Variants in PPP6R2 observed in about 807,000 individuals in gnomAD.
PPP6R2 encodes serine/threonine-protein phosphatase 6 regulatory subunit 2.
Under a neutral mutation model 100.2 loss-of-function variants are expected in PPP6R2, and 62 were observed. The ratio of observed to expected loss-of-function variants is 0.62; its 90% CI spans 0.50 to 0.76. The LOEUF (loss-of-function observed/expected upper bound fraction) is 0.76, where lower values mean the gene tolerates loss of function less well. Ranked by LOEUF, PPP6R2 falls within the 30% of genes least tolerant of loss-of-function variation. The pLI is 0.00. For missense variants in PPP6R2, 1,142 were observed against 1,276.3 expected (o/e 0.89, Z 1.60); for synonymous variants, 525 against 514.7 (o/e 1.02, Z -0.27).
chr22:50,419,357 G>A lies in PPP6R2; in HGVS notation c.740G>A (p.Cys247Tyr). ...CTGTGTGTGTCCAGCAGGCAGGACTGTGTGGAGCAGCTTCTGAAGAACATG... is the reference window on the plus strand; with the variant it reads ...CTGTGTGTGTCCAGCAGGCAGGACTATGTGGAGCAGCTTCTGAAGAACATG... ...PLLTALESQD[C>Y]VEQLLKNMFD... The change falls in exon 8 of 24, where the codon TGT (cysteine) becomes TAT (tyrosine). Residue 247 changes from cysteine to tyrosine, a missense_variant. Physicochemically the swap from Cys to Tyr is radical, Grantham distance 194. This residue lies in a region of PPP6R2 where 592 missense variants were observed against 758.9 expected (regional missense o/e 0.78). Coordinates refer to ENST00000612753, the MANE Select transcript of PPP6R2 (RefSeq NM_001242898.2). 1.2e-6 allele frequency: 2 copies of A among 1,614,122 alleles called. No homozygotes were observed. The highest frequency in any genetic ancestry group is 1.7e-6 in the Non-Finnish European group (2 of 1,179,966).
chr22:50,435,937 C>CCTGT (rs1299393621), intron 13 of PPP6R2, among the ~76,000 whole-genome samples: 1 of 152,192 alleles, frequency 6.6e-6, no homozygotes, highest in Non-Finnish European at 1.5e-5. Flanking sequence ...GAAAAACAGG[C>CCTGT]AGGACACGCG....
intron 2 of PPP6R2, among the ~76,000 whole-genome samples, chr22:50,388,388 T>C (rs1279175866): frequency 8.1e-6 from 1 of 123,680 alleles, no homozygotes; most frequent in Non-Finnish European, 1.6e-5. Context: ...AGCAAGACCC[T>C]ATCTCAAAAA....
At chr22:50,339,898 GGT>G (rs747265493), upstream of PPP6R2, among the ~76,000 whole-genome samples, 18 of 125,934 alleles carry the variant, frequency 1.4e-4, no homozygotes, top group East Asian at 2.7e-4. Context: ...TGGGGTGTGT[GGT>G]GTGTGTGGTA....
chr22:50,367,644 A>AC (rs1484112259), intron 1 of PPP6R2, among the ~76,000 whole-genome samples: 2 of 152,178 alleles, frequency 1.3e-5, no homozygotes, highest in African/African-American at 4.8e-5. Context: ...CTGTTACCAG[A>AC]CTGTCCCATT....
intron 4 of PPP6R2, among the ~76,000 whole-genome samples, chr22:50,408,800 A>T (rs1315787636): frequency 6.6e-6 from 1 of 152,226 alleles, no homozygotes; most frequent in Non-Finnish European, 1.5e-5. Context: ...CATTAAAGTA[A>T]TATGAACTGA....
chr22:50,362,679 C>T (rs143604367), intron 1 of PPP6R2, among the ~76,000 whole-genome samples: 49 of 152,190 alleles, frequency 3.2e-4, no homozygotes, highest in East Asian at 3.1e-3. Context: ...AATTAGGTTC[C>T]GTGAGGTCAC....
chr22:50,424,975 T>C (rs2061894768), intron 10 of PPP6R2, among the ~76,000 whole-genome samples: 1 of 152,216 alleles, frequency 6.6e-6, no homozygotes, highest in African/African-American at 2.4e-5. Context: ...GTCTTCCACT[T>C]TCTTCCTCTC....
chr22:50,424,075 C>T (rs2061675502), intron 10 of PPP6R2, among the ~76,000 whole-genome samples: 1 of 152,232 alleles, frequency 6.6e-6, no homozygotes, highest in South Asian at 2.1e-4. Flanking sequence ...GCATGATGCT[C>T]CAGGTGGCTG....
intron 6 of PPP6R2, among the ~76,000 whole-genome samples, 193 bp downstream of exon 6, chr22:50,416,350 T>C (rs2060535522): frequency 1.3e-5 from 2 of 151,572 alleles, no homozygotes; most frequent in Non-Finnish European, 2.9e-5. Flanking sequence ...TTTTTTGAGA[T>C]GGCGTTTCGC....
rs766124761 is a variant in PPP6R2 at position 50,418,996 on chromosome 22, C to T, written c.731+17C>T. ...GCTGGAGTCGTGAGTGCTGGTGGGC[C>T]GTGGTGCTGGTGGGCCTCCCTTTCT... On this transcript the variant is annotated intron_variant, in intron 7 of 23. Transcript: ENST00000612753. 1.8e-5 allele frequency: 29 copies of T among 1,594,138 alleles called. No individual in the cohort carries two copies. Among genetic ancestry groups the T allele is most frequent in the East Asian group, 2.2e-5 (1 of 44,808 alleles).
rs557817378 is a variant in PPP6R2, at chr22:50,394,750, C to G, written c.227+615C>G. On this transcript the variant is annotated intron_variant, in intron 3 of 23. Coordinates refer to ENST00000612753, the MANE Select transcript of PPP6R2 (RefSeq NM_001242898.2). ...TGAAACCCCGTCTCTACTAAAAATA[C>G]AAAAAATTAGCCGGGCATGGTGGCG... is the stretch of plus-strand genomic sequence containing the variant. Among the ~76,000 whole-genome samples, 7 of 150,998 alleles carry G rather than the reference C, an allele frequency of 4.6e-5. No homozygotes were observed. The South Asian group carries it at 1.5e-3, about 32-fold the overall frequency.
At chr22:50,378,032 C>G (rs1285547851) in intron 2 of PPP6R2, among the ~76,000 whole-genome samples, 1 of 152,034 alleles carries the variant, frequency 6.6e-6, no homozygotes, top group Non-Finnish European at 1.5e-5. Flanking sequence ...TTTGAGAAGA[C>G]AAATGAATGG....
At position 50,419,384 on chromosome 22, in the gene PPP6R2, T is replaced by C; in HGVS notation, c.767T>C (p.Phe256Ser). 6.2e-7 allele frequency: 1 copy of C among 1,614,166 alleles called. No homozygotes were observed. The highest frequency in any genetic ancestry group is 8.5e-7 in the Non-Finnish European group (1 of 1,180,040). The change falls in exon 8 of 24, where the codon TTT (phenylalanine) becomes TCT (serine). Residue 256 changes from phenylalanine to serine, a missense_variant. Phe to Ser is a radical substitution (Grantham distance 155, BLOSUM62 -2). Coordinates refer to ENST00000612753, the MANE Select transcript of PPP6R2 (RefSeq NM_001242898.2). The part of the protein sequence containing the change: ...DCVEQLLKNM[F>S]DGDRTESCLV... The stretch of plus-strand genomic sequence containing the variant: ...GTGGAGCAGCTTCTGAAGAACATGT[T>C]TGATGGAGACCGGACGGAGAGCTGC...
upstream of PPP6R2, among the ~76,000 whole-genome samples, chr22:50,340,517 T>A (rs371248635): frequency 8.5e-5 from 9 of 106,130 alleles, no homozygotes; most frequent in African/African-American, 4.7e-4. Flanking sequence ...GTGTGTGTGG[T>A]GTGTGTGGGG....
intron 2 of PPP6R2, among the ~76,000 whole-genome samples, chr22:50,373,657 A>T (rs67980306): frequency 0.3 from 45,884 of 151,670 alleles, 7,248 homozygotes; most frequent in South Asian, 0.43. Context: ...GCTGAAAGGA[A>T]CCTCTCACTT....
intron 6 of PPP6R2, among the ~76,000 whole-genome samples, chr22:50,417,798 G>C (rs983473291): frequency 6.6e-6 from 1 of 152,188 alleles, no homozygotes; most frequent in East Asian, 1.9e-4. Context: ...GCCTGGCCTG[G>C]GTCCCAAAGG....
rs964176218 is a variant in PPP6R2, at chr22:50,380,372, T to C, written c.-17+8222T>C. 4.7e-5 allele frequency among the ~76,000 whole-genome samples: 7 copies of C among 149,336 alleles called. 1 individual carries two copies. Among genetic ancestry groups the C allele is most frequent in the African/African-American group, 1.7e-4 (7 of 40,380 alleles). On this transcript the variant is annotated intron_variant, in intron 2 of 23. Transcript: ENST00000612753. ...GGCGTGAGCCACCACGCCTGATGTT[T>C]TTTTTTTTGAGATGGAGTCTCTCTG...
chr22:50,360,008 G>C (rs891545771), intron 1 of PPP6R2, among the ~76,000 whole-genome samples: 1 of 149,066 alleles, frequency 6.7e-6, no homozygotes, highest in Admixed American at 6.7e-5. Context: ...GGATATTTTT[G>C]CTTGATACAG....
intron 2 of PPP6R2, among the ~76,000 whole-genome samples, chr22:50,372,512 G>A (rs989106714): frequency 6.6e-6 from 1 of 151,924 alleles, no homozygotes; most frequent in East Asian, 1.9e-4. Flanking sequence ...TCGTGTCACT[G>A]TACTCCAGTC....
Sources: allele counts gnomAD v4.1 joint callset (sites outside exome capture counted in the v4.1 genomes callset), GRCh38; gene constraint gnomAD v4.1.1; regional missense constraint gnomAD v4.1.1; transcripts MANE v1.5; gene names NCBI Gene and HGNC (gene_info 2026-07-23, HGNC 2026-07-21).